Variants in PECAM1 observed in about 807,000 individuals in gnomAD.
PECAM1 encodes platelet and endothelial cell adhesion molecule 1, also known as platelet endothelial cell adhesion molecule.
Under a neutral mutation model 13.8 loss-of-function variants are expected in PECAM1, and 8 were observed. The observed-to-expected ratio is 0.58, with a 90% CI of 0.34 to 1.05. The LOEUF (loss-of-function observed/expected upper bound fraction) is 1.05, where lower values mean the gene tolerates loss of function less well. Among genes scored for constraint, PECAM1 ranks in the 50% least tolerant of loss-of-function variants. The pLI is 0.03. For synonymous variants in PECAM1, 136 were observed against 52.6 expected, an observed-to-expected ratio of 2.58 and a Z score of -6.86; for missense variants, 304 against 141.2, an observed-to-expected ratio of 2.15 and a Z score of -5.84.
At chr17:64,325,241 A>G (rs1555645363) in intron 15 of PECAM1, among the ~76,000 whole-genome samples, 2 of 152,074 alleles carry the variant, frequency 1.3e-5, no homozygotes, top group East Asian at 3.9e-4. Context: ...TACAAAAATT[A>G]GCCGGGCGTG....
intron 6 of PECAM1, among the ~76,000 whole-genome samples, chr17:64,361,127 A>ATGTG (rs1384237450): frequency 8.5e-5 from 4 of 47,008 alleles, no homozygotes; most frequent in East Asian, 1.3e-3. Context: ...GGCTGAGCAT[A>ATGTG]TATGTGTGTG....
intron 15 of PECAM1, among the ~76,000 whole-genome samples, chr17:64,327,123 A>G (rs1385370675): frequency 6.6e-6 from 1 of 152,230 alleles, no homozygotes; most frequent in Non-Finnish European, 1.5e-5. Flanking sequence ...TCCTAAGTCA[A>G]AGCCTGGCCT....
Position 64,323,402 on chromosome 17 carries a change from C to T in PECAM1, c.*414G>A. The T allele has an allele frequency of 9.0e-7, 1 of 1,110,908 alleles. No homozygotes were observed. Among genetic ancestry groups the T allele is most frequent in the Non-Finnish European group, 1.1e-6 (1 of 905,858 alleles). The allele number at this position is 1,110,908 out of a possible 1,614,324, so 68.8% of individuals were successfully genotyped here. A position where few individuals can be genotyped will look rare whatever the true frequency, so the allele number is the denominator to read the frequency against. On this transcript the variant is annotated 3_prime_UTR_variant, in exon 16 of 16. Transcript: ENST00000563924. Reference sequence around the variant, plus strand: ...AAAGGAAAAGAGAAAAAACCAGCCTCTAACCAGGCCATGCGCTAGAAATGA... The same window carrying T: ...AAAGGAAAAGAGAAAAAACCAGCCTTTAACCAGGCCATGCGCTAGAAATGA...
chr17:64,379,396 C>A (rs1339924159), intron 2 of PECAM1, among the ~76,000 whole-genome samples: 2 of 152,142 alleles, frequency 1.3e-5, no homozygotes, highest in Non-Finnish European at 2.9e-5. Flanking sequence ...GTGTTTTTGT[C>A]AGTTGGTTGG....
At chr17:64,379,577 C>A (rs2036436528) in intron 2 of PECAM1, among the ~76,000 whole-genome samples, 1 of 152,092 alleles carries the variant, frequency 6.6e-6, no homozygotes, top group South Asian at 2.1e-4. Context: ...TAGTTTTACC[C>A]CTTGACATAT....
intron 5 of PECAM1, 126 bp downstream of exon 5, chr17:64,369,624 T>G (rs2036194675): frequency 1.0e-5 from 4 of 397,242 alleles, no homozygotes; most frequent in Non-Finnish European, 1.8e-5. Flanking sequence ...AAGCCCCATC[T>G]GAGCACATTC....
chr17:64,329,655 C>T (rs782664855), intron 15 of PECAM1, 45 bp downstream of exon 15: 1 of 736,320 alleles, frequency 1.4e-6, no homozygotes. Flanking sequence ...TTTCACTGTT[C>T]AGTGGAGTAC....
Position 64,360,216 on chromosome 17 carries a change from G to A in PECAM1, c.1416C>T (p.Val472=), listed in dbSNP as rs2035940839. The part of the protein sequence containing the change: ...AVFKDNPTED[V]EYQCVADNCH... ...AATTATCTGCAACACACTGGTATTCGACGTCTTCAGTGGGGTTGTCTTTGA... is the reference window on the plus strand; with the variant it reads ...AATTATCTGCAACACACTGGTATTCAACGTCTTCAGTGGGGTTGTCTTTGA... Residue 472 remains valine (V), a synonymous_variant, in exon 7 of 16, where the codon GTC becomes GTT. Coordinates refer to ENST00000563924, the MANE Select transcript of PECAM1 (RefSeq NM_000442.5). The A allele has an allele frequency of 1.5e-5, 7 of 475,352 alleles. No individual in the cohort carries two copies. The highest frequency in any genetic ancestry group is 1.3e-4 in the South Asian group (2 of 14,880). 29.4% of individuals were successfully genotyped at this position (475,352 alleles called of 1,614,324 possible).
intron 4 of PECAM1, among the ~76,000 whole-genome samples, chr17:64,374,382 A>G (rs2036310077): frequency 6.6e-6 from 1 of 151,842 alleles, no homozygotes; most frequent in African/African-American, 2.4e-5. Context: ...CCAGCTACCC[A>G]GGAGGCTGAG....
At chr17:64,334,499 C>A (rs1370734055) in intron 14 of PECAM1, among the ~76,000 whole-genome samples, 1 of 152,008 alleles carries the variant, frequency 6.6e-6, no homozygotes, top group African/African-American at 2.4e-5. Context: ...ACAGACCTAC[C>A]CCACACTGGG....
Position 64,378,133 on chromosome 17 carries a change from A to T in PECAM1, c.92-16T>A, listed in dbSNP as rs1264487259. On this transcript the variant is annotated splice_polypyrimidine_tract_variant and intron_variant, in intron 2 of 15. Coordinates refer to ENST00000563924, the MANE Select transcript of PECAM1 (RefSeq NM_000442.5). ...ATTGTGAAAGCTAAATGCAAAGGGA[A>T]GGAAGGCAGACATACCTGTTATCTC... 1.3e-5 allele frequency: 6 copies of T among 472,958 alleles called. No individual in the cohort carries two copies. Among genetic ancestry groups the T allele is most frequent in the Non-Finnish European group, 2.3e-5 (6 of 258,128 alleles). 29.3% of individuals were successfully genotyped at this position (472,958 alleles called of 1,614,324 possible).
At chr17:64,360,687 T>C (rs2035952833) in intron 6 of PECAM1, among the ~76,000 whole-genome samples, 1 of 147,562 alleles carries the variant, frequency 6.8e-6, no homozygotes, top group African/African-American at 2.5e-5. Context: ...AAGGAAAACA[T>C]TACATCCCCA....
intron 5 of PECAM1, among the ~76,000 whole-genome samples, chr17:64,365,383 A>C (rs2143828935): frequency 6.6e-6 from 1 of 152,002 alleles, no homozygotes; most frequent in African/African-American, 2.4e-5. Flanking sequence ...ATATCGTGAA[A>C]ATGGCCATAC....
chr17:64,337,960 T>G (rs2035325899), intron 14 of PECAM1, among the ~76,000 whole-genome samples: 1 of 148,882 alleles, frequency 6.7e-6, no homozygotes, highest in African/African-American at 2.5e-5. Flanking sequence ...ACAAAGAGGG[T>G]CTCTGTTTTT....
At chr17:64,383,524 A>T (rs2036528107) in intron 2 of PECAM1, among the ~76,000 whole-genome samples, 1 of 152,104 alleles carries the variant, frequency 6.6e-6, no homozygotes, top group Admixed American at 6.5e-5. Context: ...TGTGCCAAGC[A>T]CTGTCCCCCA....
intron 5 of PECAM1, among the ~76,000 whole-genome samples, chr17:64,366,982 A>C (rs1192322227): frequency 2.7e-5 from 4 of 148,314 alleles, no homozygotes; most frequent in Admixed American, 1.4e-4. Flanking sequence ...AATAATAATA[A>C]AAAAAGAGAC....
intron 15 of PECAM1, among the ~76,000 whole-genome samples, chr17:64,329,005 C>T (rs2143675810): frequency 1.3e-5 from 2 of 152,154 alleles, no homozygotes; most frequent in South Asian, 4.1e-4. Flanking sequence ...CCTGACTTAT[C>T]TTTCTCCCGT....
At chr17:64,323,917 A>G in intron 15 of PECAM1, 72 bp from the exon 16 acceptor site, 1 of 789,052 alleles carries the variant, frequency 1.3e-6, no homozygotes, top group East Asian at 2.4e-5. Flanking sequence ...GTGGAGAGAA[A>G]TGCAAAATGA....
intron 14 of PECAM1, among the ~76,000 whole-genome samples, chr17:64,334,695 G>A (rs1278055299): frequency 6.6e-6 from 1 of 152,130 alleles, no homozygotes. Context: ...TTTTAGTAGA[G>A]ATGGGGTTTC....
Sources: allele counts gnomAD v4.1 joint callset (sites outside exome capture counted in the v4.1 genomes callset), GRCh38; gene constraint gnomAD v4.1.1; transcripts MANE v1.5; gene names NCBI Gene and HGNC (gene_info 2026-07-23, HGNC 2026-07-21).